The following CATSPERZ variants were observed in gnomAD, a reference collection of about 807,000 sequenced individuals.
The protein encoded by CATSPERZ is catsper channel auxiliary subunit zeta.
In CATSPERZ, 21 loss-of-function variants were observed where a neutral mutation model predicts 21.7. That is an observed-to-expected ratio of 0.97 (90% CI 0.69 to 1.39). The LOEUF (loss-of-function observed/expected upper bound fraction) is 1.39. CATSPERZ is among the 40% of genes most tolerant of loss of function. The pLI, the probability that CATSPERZ is intolerant of heterozygous loss-of-function variation, is 0.00. For synonymous variants in CATSPERZ, 127 were observed against 108.7 expected, an observed-to-expected ratio of 1.17 and a Z score of -1.05; for missense variants, 234 against 259.5, an observed-to-expected ratio of 0.90 and a Z score of 0.68.
At position 64,300,906 on chromosome 11, in the gene CATSPERZ, C is replaced by G; in HGVS notation, c.271C>G (p.Leu91Val). Residue 91 changes from leucine to valine, a missense_variant, in exon 2 of 5, where the codon CTG becomes GTG. Transcript: ENST00000328404. ...GCCGGAGGAACTGGACGAGCACGCGCTGGTGGAGCTGGAGTTGCACCGCGG... is the reference window on the plus strand; with the variant it reads ...GCCGGAGGAACTGGACGAGCACGCGGTGGTGGAGCTGGAGTTGCACCGCGG... Reference protein sequence around the residue: ...HKPEELDEHALVELELHRGSS... With the variant: ...HKPEELDEHAVVELELHRGSS... The G allele has an allele frequency of 6.3e-7, 1 of 1,578,420 alleles. No homozygotes were observed. Among genetic ancestry groups the G allele is most frequent in the Non-Finnish European group, 8.6e-7 (1 of 1,163,236 alleles).
chr11:64,302,069 T>C (rs72924108), intron 2 of CATSPERZ, among the ~76,000 whole-genome samples: 34,064 of 152,106 alleles, frequency 0.22, 4,790 homozygotes, highest in Non-Finnish European at 0.32. Context: ...TTTCCATTAG[T>C]CAGTTGCTGG....
rs1253241483 is a variant in CATSPERZ, at chr11:64,303,480, A to T, written c.353-2A>T. 3 of 1,612,086 alleles carry T rather than the reference A, an allele frequency of 1.9e-6. No individual in the cohort carries two copies. Among genetic ancestry groups the T allele is most frequent in the Admixed American group, 3.3e-5 (2 of 59,806 alleles). On this transcript the variant is annotated splice_acceptor_variant, in intron 2 of 4. Coordinates refer to ENST00000328404, the MANE Select transcript of CATSPERZ (RefSeq NM_001039496.2). LOFTEE classifies it high-confidence loss of function. ...GACTAACCCTTTTTTCTCTTCTCCC[A>T]GAAAAGTCTTCCTCAATGTCATCAC...
Position 64,303,815 on chromosome 11 carries a change from G to T in CATSPERZ, c.475G>T (p.Glu159Ter). 6.2e-7 allele frequency: 1 copy of T among 1,600,300 alleles called. No homozygotes were observed. The highest frequency in any genetic ancestry group is 8.5e-7 in the Non-Finnish European group (1 of 1,173,696). The change falls in exon 4 of 5, where the codon GAA becomes TAA. Residue 159 changes from glutamate (E) to a stop codon, truncating the protein, a stop_gained. Coordinates refer to ENST00000328404, the MANE Select transcript of CATSPERZ (RefSeq NM_001039496.2). LOFTEE classifies it low-confidence loss of function (END_TRUNC). ...LMELMENEAL[E>*]ILTKALRSYQ... ...GGAACTCATGGAGAATGAAGCTCTG[G>T]AAATCCTCACCAAAGCCCTCCGGAG...
At chr11:64,303,960 C>G in intron 4 of CATSPERZ, 121 bp downstream of exon 4, 11 of 946,332 alleles carry the variant, frequency 1.2e-5, no homozygotes, top group Non-Finnish European at 1.8e-5. Context: ...CCTTGGCACT[C>G]ACAAGTATTC....
chr11:64,300,990 CA>C lies in CATSPERZ; in HGVS notation c.352+4del, dbSNP rs774551524. On this transcript the variant is annotated splice_donor_region_variant and intron_variant, in intron 2 of 4. Transcript: ENST00000328404. ...CACTGCATCCCAGATCGAGGCCGGT[CA>C]GTGTGGCCTCGCCAGGCCGTGGGCA... 2.0e-6 allele frequency: 3 copies of C among 1,532,178 alleles called. 1 individual carries two copies. The South Asian group carries it at 3.7e-5, about 19-fold the overall frequency. 94.9% of individuals were successfully genotyped at this position (1,532,178 alleles called of 1,614,324 possible).
At position 64,304,714 on chromosome 11, in the gene CATSPERZ, C is replaced by A; in HGVS notation, c.*68C>A. 1.5e-6 allele frequency: 2 copies of A among 1,306,156 alleles called. No homozygotes were observed. Among genetic ancestry groups the A allele is most frequent in the Admixed American group, 2.3e-5 (1 of 44,234 alleles). The allele number at this position is 1,306,156 out of a possible 1,614,324, so 80.9% of individuals were successfully genotyped here. On this transcript the variant is annotated 3_prime_UTR_variant, in exon 5 of 5. Transcript: ENST00000328404. ...TGCCAGCCCGGTCCCCAGACCCAAGCCTGACCCCATCCGAGTGGAATTTGA... is the reference window on the plus strand; with the variant it reads ...TGCCAGCCCGGTCCCCAGACCCAAGACTGACCCCATCCGAGTGGAATTTGA...
intron 2 of CATSPERZ, among the ~76,000 whole-genome samples, chr11:64,301,519 G>A (rs1391209053): frequency 1.3e-5 from 2 of 150,454 alleles, no homozygotes; most frequent in Non-Finnish European, 3.0e-5. Flanking sequence ...GATTACAGGC[G>A]CGCGCCACCA....
intron 2 of CATSPERZ, among the ~76,000 whole-genome samples, chr11:64,301,931 A>G (rs1011340517): frequency 1.8e-4 from 28 of 152,266 alleles, no homozygotes; most frequent in African/African-American, 6.5e-4. Flanking sequence ...TCGGCTTCCC[A>G]AAGTATTGGG....
intron 2 of CATSPERZ, 77 bp downstream of exon 2, chr11:64,301,064 A>T (rs1266953953): frequency 7.7e-7 from 1 of 1,305,820 alleles, no homozygotes; most frequent in African/African-American, 1.5e-5. Flanking sequence ...GGAGCTGTAA[A>T]ATGGGGGGAA....
At position 64,300,692 on chromosome 11, in the gene CATSPERZ, C is replaced by G; in HGVS notation, c.57C>G (p.Asp19Glu). ...AGTCTTCCGACCGCCAAGGCTCGGACGAGGAGAGCGTGCATAGCGACACTC... is the reference window on the plus strand; with the variant it reads ...AGTCTTCCGACCGCCAAGGCTCGGAGGAGGAGAGCGTGCATAGCGACACTC... ...SLKSSDRQGS[D>E]EESVHSDTRD... The change falls in exon 2 of 5, where the codon GAC becomes GAG. Residue 19 changes from aspartate to glutamate, a missense_variant. Coordinates refer to ENST00000328404, the MANE Select transcript of CATSPERZ (RefSeq NM_001039496.2). 1 of 1,545,534 alleles carries G rather than the reference C, an allele frequency of 6.5e-7. No individual in the cohort carries two copies. Among genetic ancestry groups the G allele is most frequent in the East Asian group, 2.4e-5 (1 of 40,838 alleles).
In CATSPERZ at chr11:64,304,609, T is replaced by G; in HGVS notation, c.566T>G (p.Leu189Arg). The G allele has an allele frequency of 6.3e-7, 1 of 1,583,582 alleles. No homozygotes were observed. Among genetic ancestry groups the G allele is most frequent in the Non-Finnish European group, 8.6e-7 (1 of 1,165,824 alleles). Residue 189 changes from leucine (L) to arginine (R), a missense_variant, in exon 5 of 5, where the codon CTC (leucine) becomes CGC (arginine). Transcript: ENST00000328404. ...TKELQRYIEGLKKRRSKRLYV... is the reference protein window; with the variant it reads ...TKELQRYIEGRKKRRSKRLYV... ...GAGCTGCAGCGATACATCGAAGGGC[T>G]CAAGAAGCGCCGGAGCAAGAGGCTG... is the stretch of plus-strand genomic sequence containing the variant.
At chr11:64,304,237 C>A (rs1182786739) in intron 4 of CATSPERZ, among the ~76,000 whole-genome samples, 1 of 152,090 alleles carries the variant, frequency 6.6e-6, no homozygotes, top group Non-Finnish European at 1.5e-5. Flanking sequence ...GAAAGCCCAG[C>A]GGTGATAAAG....
In CATSPERZ at chr11:64,300,952, TG is replaced by T; in HGVS notation, c.322del (p.Glu108ArgfsTer42). 1.9e-6 allele frequency: 3 copies of T among 1,577,466 alleles called. No homozygotes were observed. Among genetic ancestry groups the T allele is most frequent in the Admixed American group, 1.8e-5 (1 of 54,834 alleles). ...CGCGGCAGCTCCATGGAAATCAATC[TG>T]GGGGAGAAGGACACTGCATCCCAGA... Reference protein sequence around the residue: ...LHRGSSMEINLGEKDTASQIE... With the variant: ...LHRGSSMEINXGEKDTASQIE... On this transcript the variant is annotated frameshift_variant, in exon 2 of 5. Transcript: ENST00000328404. LOFTEE classifies it high-confidence loss of function.
intron 1 of CATSPERZ, 25 bp from the exon 2 acceptor site, chr11:64,300,632 C>T (rs1434869383): frequency 3.3e-6 from 5 of 1,519,892 alleles, no homozygotes; most frequent in Non-Finnish European, 4.4e-6. Flanking sequence ...CGACCCTTGG[C>T]TCCCTCCTTG....
intron 2 of CATSPERZ, among the ~76,000 whole-genome samples, chr11:64,302,546 C>T (rs1014131004): frequency 3.9e-5 from 6 of 152,156 alleles, no homozygotes; most frequent in Admixed American, 3.9e-4. Flanking sequence ...TCCCAAAGTG[C>T]TGGGATTACA....
In CATSPERZ at chr11:64,300,724, T is replaced by A; in HGVS notation, c.89T>A (p.Leu30Gln). ...AGCGTGCATAGCGACACTCGGGACC[T>A]GTGGACCACGACCACGCTGTCCCAG... ...EESVHSDTRDLWTTTTLSQAQ... is the reference protein window; with the variant it reads ...EESVHSDTRDQWTTTTLSQAQ... Residue 30 changes from leucine (L) to glutamine (Q), a missense_variant, in exon 2 of 5, where the codon CTG becomes CAG. Transcript: ENST00000328404. 6.4e-7 allele frequency: 1 copy of A among 1,551,436 alleles called. No individual in the cohort carries two copies. Among genetic ancestry groups the A allele is most frequent in the East Asian group, 2.4e-5 (1 of 41,002 alleles).
At chr11:64,300,528 C>G (rs2135238575) in intron 1 of CATSPERZ, 97 bp downstream of exon 1, 2 of 1,540,530 alleles carry the variant, frequency 1.3e-6, no homozygotes, top group Non-Finnish European at 1.8e-6. Flanking sequence ...CCTTGGCTGC[C>G]CGCAGCCCCC....
chr11:64,302,873 G>A (rs1220157066), intron 2 of CATSPERZ, among the ~76,000 whole-genome samples: 1 of 149,370 alleles, frequency 6.7e-6, no homozygotes, highest in Non-Finnish European at 1.5e-5. Flanking sequence ...TTGGCCAAGA[G>A]CCAAGAGCTG....
intron 3 of CATSPERZ, 87 bp downstream of exon 3, chr11:64,303,648 T>A: frequency 6.9e-7 from 1 of 1,447,880 alleles, no homozygotes; most frequent in Non-Finnish European, 9.3e-7. Context: ...TTGGGGGTGG[T>A]TGGCAGGGTG....
Sources: gnomAD v4.1 joint callset for allele counts (sites outside exome capture counted in the v4.1 genomes callset) on GRCh38, gnomAD v4.1.1 for gene constraint, MANE v1.5 for transcripts, NCBI Gene and HGNC (gene_info 2026-07-23, HGNC 2026-07-21) for gene names.